The following MKLN1 variants were observed in gnomAD, a reference collection of about 807,000 sequenced individuals.
MKLN1 encodes the protein muskelin.
MKLN1 carries 18 observed loss-of-function variants against 99.0 expected under a neutral mutation model. The observed-to-expected ratio is 0.18, with a 90% CI of 0.13 to 0.27. The LOEUF (loss-of-function observed/expected upper bound fraction) is 0.27, where lower values mean the gene tolerates loss of function less well. MKLN1 is among the 10% of genes least tolerant of loss of function. MKLN1 has a pLI of 1.00. For missense variants in MKLN1, 621 were observed against 875.9 expected (o/e 0.71, Z 3.67); for synonymous variants, 288 against 293.2 (o/e 0.98, Z 0.18).
chr7:131,277,647 C>T (rs1797994205), intron 3 of MKLN1, among the ~76,000 whole-genome samples: 1 of 152,106 alleles, frequency 6.6e-6, no homozygotes, highest in African/African-American at 2.4e-5. Context: ...AACTCTTGAC[C>T]TCAAGCGATC....
chr7:131,448,637 G>A (rs1411579326), intron 12 of MKLN1, among the ~76,000 whole-genome samples: 2 of 151,978 alleles, frequency 1.3e-5, no homozygotes, highest in Admixed American at 6.6e-5. Context: ...TTAAATTGTG[G>A]GATTTTTTCC....
chr7:131,212,137 C>G (rs1472369816), intron 3 of MKLN1, among the ~76,000 whole-genome samples: 4 of 152,214 alleles, frequency 2.6e-5, no homozygotes, highest in Admixed American at 2.6e-4. Context: ...GCTGCTGGCT[C>G]CTACTGCAGA....
chr7:131,175,417 C>G (rs879908028), intron 2 of MKLN1, among the ~76,000 whole-genome samples: 3 of 152,128 alleles, frequency 2.0e-5, no homozygotes, highest in Non-Finnish European at 2.9e-5. Context: ...AGAAAGATGA[C>G]AGCCAATTTT....
At chr7:131,248,361 AC>A (rs1434076274) in intron 3 of MKLN1, among the ~76,000 whole-genome samples, 2 of 152,252 alleles carry the variant, frequency 1.3e-5, no homozygotes, top group Non-Finnish European at 2.9e-5. Context: ...AGAGATAGTT[AC>A]CCCTCTATCT....
At chr7:131,447,566 T>A (rs1796050645) in intron 12 of MKLN1, among the ~76,000 whole-genome samples, 1 of 152,048 alleles carries the variant, frequency 6.6e-6, no homozygotes, top group Non-Finnish European at 1.5e-5. Context: ...AGGAGAGAGG[T>A]AATACTCCTT....
intron 1 of MKLN1, among the ~76,000 whole-genome samples, chr7:131,351,699 A>G (rs1483194612): frequency 6.6e-6 from 1 of 152,134 alleles, no homozygotes; most frequent in Admixed American, 6.5e-5. Context: ...CCTGGCCTCA[A>G]GCAATCCTCC....
intron 2 of MKLN1, among the ~76,000 whole-genome samples, chr7:131,200,190 C>T (rs1450414652): frequency 2.0e-5 from 3 of 152,170 alleles, no homozygotes; most frequent in Non-Finnish European, 4.4e-5. Flanking sequence ...TTACTTTTAA[C>T]CCCAGTTATT....
chr7:131,327,710 C>T (rs997335838), upstream of MKLN1: 2 of 1,036,820 alleles, frequency 1.9e-6, no homozygotes, highest in Non-Finnish European at 2.7e-6. Flanking sequence ...GTCGGTCAGC[C>T]GTCAAGGAGC....
chr7:131,445,382 C>CT lies in MKLN1; in HGVS notation c.1396-389dup, dbSNP rs1795979928. On this transcript the variant is annotated intron_variant, in intron 11 of 17. Coordinates refer to ENST00000352689, the MANE Select transcript of MKLN1 (RefSeq NM_013255.5). ...TTTATTAGGTTTTGGTTTATCCTTC[C>CT]TTTGTTTTTCAAAAAAAGAAGCAAT... Among the ~76,000 whole-genome samples the CT allele has an allele frequency of 2.6e-5, 4 of 152,122 alleles. No individual in the cohort carries two copies. In the South Asian group the frequency reaches 8.3e-4, roughly 32 times the overall value.
chr7:131,270,433 C>T (rs1797867846), intron 3 of MKLN1, among the ~76,000 whole-genome samples: 1 of 152,214 alleles, frequency 6.6e-6, no homozygotes, highest in Admixed American at 6.5e-5. Flanking sequence ...GTTGGCCAGG[C>T]TTGTCTCGAA....
intron 1 of MKLN1, among the ~76,000 whole-genome samples, chr7:131,131,672 A>G (rs1428624296): frequency 6.6e-6 from 1 of 152,188 alleles, no homozygotes; most frequent in African/African-American, 2.4e-5. Flanking sequence ...CATATGCTTA[A>G]CTATTATACT....
intron 3 of MKLN1, among the ~76,000 whole-genome samples, chr7:131,220,379 T>C (rs1376827927): frequency 2.0e-5 from 3 of 152,182 alleles, no homozygotes; most frequent in South Asian, 4.1e-4. Context: ...CTGTATCTCA[T>C]TGGGAAGCTG....
At position 131,468,974 on chromosome 7, in the gene MKLN1, G is replaced by A. The variant is rs138707781; in HGVS notation, c.1929-1868G>A. Among the ~76,000 whole-genome samples, 5 of 152,220 alleles carry A rather than the reference G, an allele frequency of 3.3e-5. 1 individual carries two copies. The highest frequency in any genetic ancestry group is 2.0e-4 in the Admixed American group (3 of 15,280). Reference sequence around the variant, plus strand: ...TAAGGCACCTTCTCAGCATTTGAACGGTGAAACTGGATGGAGAATTGTTTA... The same window carrying A: ...TAAGGCACCTTCTCAGCATTTGAACAGTGAAACTGGATGGAGAATTGTTTA... On this transcript the variant is annotated intron_variant, in intron 15 of 17. Coordinates refer to ENST00000352689, the MANE Select transcript of MKLN1 (RefSeq NM_013255.5).
chr7:131,114,420 A>G (rs73147696), intron 1 of MKLN1, among the ~76,000 whole-genome samples: 9,284 of 152,262 alleles, frequency 0.061, 338 homozygotes, highest in Middle Eastern at 0.12. Flanking sequence ...TGGAGTCATC[A>G]GAATAAGGAA....
chr7:131,175,563 C>T (rs1563241464), intron 2 of MKLN1, among the ~76,000 whole-genome samples: 1 of 152,226 alleles, frequency 6.6e-6, no homozygotes, highest in African/African-American at 2.4e-5. Flanking sequence ...TAACTACCCT[C>T]CATTTCTTTA....
chr7:131,190,351 T>C (rs1362340134), intron 2 of MKLN1, among the ~76,000 whole-genome samples: 2 of 152,028 alleles, frequency 1.3e-5, no homozygotes, highest in African/African-American at 4.8e-5. Flanking sequence ...TACCTTGGCA[T>C]TCCTTGATGT....
rs190422002 is a variant in MKLN1 at position 131,128,112 on chromosome 7, T to C, written c.-418-14708T>C. ...GCTGTGGAGGAAATTGTTCCAACCATATATGAGCAGGCCCCTAGACACTGT... is the reference window on the plus strand; with the variant it reads ...GCTGTGGAGGAAATTGTTCCAACCACATATGAGCAGGCCCCTAGACACTGT... On this transcript the variant is annotated intron_variant, in intron 1 of 7. Coordinates refer to the MKLN1 transcript ENST00000416992. Among the ~76,000 whole-genome samples the C allele has an allele frequency of 2.3e-4, 35 of 151,178 alleles. No homozygotes were observed. In the East Asian group the frequency reaches 6.0e-3, roughly 26 times the overall value.
chr7:131,149,284 C>T (rs1480708078), intron 2 of MKLN1, among the ~76,000 whole-genome samples: 2 of 152,020 alleles, frequency 1.3e-5, no homozygotes, highest in Admixed American at 6.6e-5. Flanking sequence ...CTATTTATTT[C>T]TAATATCCTT....
At chr7:131,171,816 T>A (rs1419862194) in intron 2 of MKLN1, among the ~76,000 whole-genome samples, 1 of 152,204 alleles carries the variant, frequency 6.6e-6, no homozygotes, top group Non-Finnish European at 1.5e-5. Context: ...AATTAAGAAA[T>A]ACAACATTGA....
Sources: gnomAD v4.1 joint callset for allele counts (sites outside exome capture counted in the v4.1 genomes callset) on GRCh38, gnomAD v4.1.1 for gene constraint, MANE v1.5 for transcripts, NCBI Gene and HGNC (gene_info 2026-07-23, HGNC 2026-07-21) for gene names.